LIG1: variants seen among roughly 807,000 people sequenced by gnomAD.
LIG1 encodes DNA ligase 1.
Under a neutral mutation model 115.7 loss-of-function variants are expected in LIG1, and 70 were observed. The ratio of observed to expected loss-of-function variants is 0.60; its 90% confidence interval spans 0.50 to 0.74. LIG1 has a LOEUF of 0.74. Among genes scored for constraint, LIG1 ranks in the 30% least tolerant of loss-of-function variants. The pLI is 0.00. For synonymous variants in LIG1, 487 were observed against 495.3 expected (o/e 0.98, Z 0.22); for missense variants, 1,115 against 1,225.6 (o/e 0.91, Z 1.35).
chr19:48,145,241 A>T (rs965728220), intron 9 of LIG1, among the ~76,000 whole-genome samples: 1 of 151,956 alleles, frequency 6.6e-6, no homozygotes, highest in Non-Finnish European at 1.5e-5. Context: ...CCCCAGCCAA[A>T]CTCTGCATTC....
chr19:48,162,433 CTTTT>C (rs781263098), intron 2 of LIG1, 82 bp from the exon 3 acceptor site: 2,180 of 625,362 alleles, frequency 3.5e-3, no homozygotes, highest in Middle Eastern at 5.0e-3. Context: ...CTATAACTTC[CTTTT>C]TTTTTTTTTT....
intron 1 of LIG1, among the ~76,000 whole-genome samples, chr19:48,169,260 A>G (rs2036640230): frequency 6.6e-6 from 1 of 152,196 alleles, no homozygotes; most frequent in Admixed American, 6.5e-5. Context: ...TGGGGGTTAC[A>G]CAAATCTATA....
intron 23 of LIG1, 119 bp from the exon 24 acceptor site, chr19:48,121,441 C>T: frequency 1.1e-6 from 1 of 951,446 alleles, no homozygotes; most frequent in Non-Finnish European, 1.5e-6. Context: ...AAGGGAACTT[C>T]CAGAAGGAAC....
chr19:48,165,707 AAG>A (rs2036444080), intron 1 of LIG1, 84 bp from the exon 2 acceptor site: 4 of 971,538 alleles, frequency 4.1e-6, no homozygotes, highest in Non-Finnish European at 4.6e-6. Flanking sequence ...TTAAGAAAGA[AAG>A]AAAAAAAAAA....
intron 11 of LIG1, among the ~76,000 whole-genome samples, chr19:48,143,066 G>A (rs1210894682): frequency 6.6e-6 from 1 of 152,214 alleles, no homozygotes. Context: ...CTAACATGCT[G>A]CTGAGAAGGA....
At chr19:48,158,045 T>C (rs1199375717) in intron 4 of LIG1, among the ~76,000 whole-genome samples, 1 of 152,110 alleles carries the variant, frequency 6.6e-6, no homozygotes, top group Non-Finnish European at 1.5e-5. Context: ...AAAATTCCTC[T>C]CTTGCCATGT....
At chr19:48,158,642 G>A (rs2035994306) in intron 4 of LIG1, among the ~76,000 whole-genome samples, 1 of 152,268 alleles carries the variant, frequency 6.6e-6, no homozygotes. Flanking sequence ...TGCCAATGGA[G>A]GGAAGCAGAG....
rs772050852 is a variant in LIG1 at position 48,143,920 on chromosome 19, G to A, written c.820C>T (p.His274Tyr). The change falls in exon 10 of 28, where the codon CAT becomes TAT. Residue 274 changes from histidine (H) to tyrosine (Y), a missense_variant. His to Tyr is a moderately conservative substitution (Grantham distance 83). Transcript: ENST00000263274. The stretch of plus-strand genomic sequence containing the variant: ...TTCCAGCAGGCATCTTCCACGGGAT[G>A]ATAGTTGTTCTTGGCAGGATTGTAA... ...SGYNPAKNNY[H>Y]PVEDACWKPG... The A allele has an allele frequency of 6.8e-6, 11 of 1,613,994 alleles. No homozygotes were observed. The Admixed American group carries it at 1.8e-4, about 27-fold the overall frequency.
intron 9 of LIG1, among the ~76,000 whole-genome samples, chr19:48,145,257 C>T (rs971472885): frequency 3.9e-5 from 6 of 152,224 alleles, no homozygotes; most frequent in Non-Finnish European, 5.9e-5. Context: ...CATTCAGACT[C>T]ATCTGGGTTC....
Position 48,135,645 on chromosome 19 carries a change from GC to G in LIG1, c.1523+34del. ...CCCCCACCCTGGCACTCTGCCCACA[GC>G]CCCTGGCAACTCCACCCACTGCCCA... On this transcript the variant is annotated intron_variant, in intron 16 of 27. Transcript: ENST00000263274. The G allele has an allele frequency of 2.0e-6, 3 of 1,521,538 alleles. No individual in the cohort carries two copies. The South Asian group carries it at 3.4e-5, about 17-fold the overall frequency. The allele number at this position is 1,521,538 out of a possible 1,614,324, so 94.3% of individuals were successfully genotyped here.
rs1014424629 is a variant in LIG1 at position 48,133,071 on chromosome 19, G to A, written c.1636C>T (p.His546Tyr). 1.9e-6 allele frequency: 3 copies of A among 1,613,832 alleles called. No individual in the cohort carries two copies. Among genetic ancestry groups the A allele is most frequent in the African/African-American group, 2.7e-5 (2 of 74,932 alleles). The change falls in exon 18 of 28, where the codon CAT becomes TAT. Residue 546 changes from histidine (H) to tyrosine (Y), a missense_variant. Coordinates refer to ENST00000263274, the MANE Select transcript of LIG1 (RefSeq NM_000234.3). ...ACCTCGCTGATGCCCCGGGTGGGAT[G>A]GGCCAACATTGGTTTCAGGGGAATC... Reference protein sequence around the residue: ...PGIPLKPMLAHPTRGISEVLK... With the variant: ...PGIPLKPMLAYPTRGISEVLK...
chr19:48,120,796 G>GAAA, intron 24 of LIG1: 2 of 460,830 alleles, frequency 4.3e-6, no homozygotes, highest in Non-Finnish European at 6.2e-6. Context: ...GCACATGGCA[G>GAAA]AAAAAAAAAA....
intron 18 of LIG1, 57 bp downstream of exon 18, chr19:48,132,925 A>T (rs974786358): frequency 7.7e-7 from 1 of 1,296,292 alleles, no homozygotes; most frequent in African/African-American, 1.5e-5. Context: ...GTGACCCCAC[A>T]CCCCTGCTCT....
intron 21 of LIG1, 110 bp from the exon 22 acceptor site, chr19:48,123,428 G>A (rs959539203): frequency 3.0e-6 from 4 of 1,311,990 alleles, no homozygotes; most frequent in Admixed American, 3.8e-5. Flanking sequence ...TAGTGACAGG[G>A]TTCGTGGAAA....
rs990785520 is a variant in LIG1, at chr19:48,121,014, T to C, written c.2385+156A>G. ...TTTTTCTATATGAAGCAAGAGTTGC[T>C]CATAGAACCAGAAAAAGTAAATAAA... On this transcript the variant is annotated intron_variant, in intron 24 of 27. Transcript: ENST00000263274. 5 of 1,510,816 alleles carry C rather than the reference T, an allele frequency of 3.3e-6. No individual in the cohort carries two copies. The African/African-American group carries it at 6.9e-5, about 21-fold the overall frequency. 93.6% of individuals were successfully genotyped at this position (1,510,816 alleles called of 1,614,324 possible).
At chr19:48,133,298 A>G (rs1002674928) in intron 17 of LIG1, 2 of 596,048 alleles carry the variant, frequency 3.4e-6, no homozygotes, top group South Asian at 1.9e-5. Context: ...GGGAAAGGCC[A>G]TGTGATTGGA....
intron 16 of LIG1, 148 bp from the exon 17 acceptor site, chr19:48,134,214 G>A: frequency 1.5e-6 from 1 of 684,968 alleles, no homozygotes; most frequent in Non-Finnish European, 2.6e-6. Flanking sequence ...TTGCCACCCT[G>A]TCTCTGTGCT....
chr19:48,137,685 C>A lies in LIG1; in HGVS notation c.1091G>T (p.Arg364Leu), dbSNP rs766064327. The A allele has an allele frequency of 1.9e-6, 3 of 1,602,518 alleles. No homozygotes were observed. In the African/African-American group the frequency reaches 4.0e-5, roughly 21 times the overall value. ...LLKAVAQATG[R>L]QLESVRAEAA... ...CTCAGCCCGGACGGACTCCAGCTGC[C>A]GACCTTCAGGGGAGAGCGCGGGTGG... Residue 364 changes from arginine to leucine, a missense_variant, in exon 13 of 28, where the codon CGG becomes CTG. Physicochemically the swap from Arg to Leu is moderately radical, Grantham distance 102. Coordinates refer to ENST00000263274, the MANE Select transcript of LIG1 (RefSeq NM_000234.3). This position sits in a 1 kb window ranked among gnomAD's most constrained non-coding sequence, Gnocchi z 4.3.
At chr19:48,148,161 C>T (rs760828863) in intron 9 of LIG1, among the ~76,000 whole-genome samples, 2 of 152,018 alleles carry the variant, frequency 1.3e-5, no homozygotes, top group East Asian at 1.9e-4. Flanking sequence ...TGTTGTAGGC[C>T]GGGGTCAAGC....
Sources: gnomAD v4.1 joint callset for allele counts (sites outside exome capture counted in the v4.1 genomes callset) on GRCh38, gnomAD v4.1.1 for gene constraint, Gnocchi (gnomAD v3.1) non-coding constraint, MANE v1.5 for transcripts, NCBI Gene and HGNC (gene_info 2026-07-23, HGNC 2026-07-21) for gene names.